POU6F1: variants seen among roughly 807,000 people sequenced by gnomAD.
POU6F1 encodes POU domain, class 6, transcription factor 1.
A neutral mutation model predicts 28.9 loss-of-function variants in POU6F1; 9 were observed. The observed-to-expected ratio is 0.31, with a 90% CI of 0.19 to 0.54. POU6F1 has a LOEUF of 0.54. POU6F1 is among the 20% of genes least tolerant of loss of function. The pLI is 0.94. For synonymous variants in POU6F1, 173 were observed against 171.1 expected, an observed-to-expected ratio of 1.01 and a Z score of -0.09; for missense variants, 338 against 426.1, an observed-to-expected ratio of 0.79 and a Z score of 1.82.
chr12:51,208,202 CTGGGAGGTGGGAAGAT>C (rs1213769308), intron 1 of POU6F1, among the ~76,000 whole-genome samples: 101 of 151,696 alleles, frequency 6.7e-4, no homozygotes, highest in East Asian at 7.7e-4. Context: ...TCGCTTGAGC[CTGGGAGGTGGGAAGAT>C]CGCTTGAGCC....
intron 8 of POU6F1, among the ~76,000 whole-genome samples, chr12:51,194,116 TC>T (rs1942640334): frequency 6.6e-6 from 1 of 151,984 alleles, no homozygotes; most frequent in Non-Finnish European, 1.5e-5. Context: ...AACCTCTGCC[TC>T]CCGGGTTCAA....
chr12:51,212,618 T>C (rs1331385829), intron 1 of POU6F1, among the ~76,000 whole-genome samples: 3 of 149,378 alleles, frequency 2.0e-5, no homozygotes, highest in Admixed American at 2.0e-4. Context: ...CCGTCTCTAC[T>C]AAAAATACAA....
chr12:51,195,535 C>G (rs1357523239), intron 8 of POU6F1, among the ~76,000 whole-genome samples: 1 of 152,122 alleles, frequency 6.6e-6, no homozygotes, highest in Non-Finnish European at 1.5e-5. Flanking sequence ...AATAAATACT[C>G]CTAGAATGAG....
At chr12:51,205,661 C>A (rs1028808947) in intron 2 of POU6F1, among the ~76,000 whole-genome samples, 1 of 152,154 alleles carries the variant, frequency 6.6e-6, no homozygotes, top group Non-Finnish European at 1.5e-5. Context: ...TGGATCCAGT[C>A]GGAGGCTGTG....
At chr12:51,216,920 A>G (rs1305373505) in intron 1 of POU6F1, among the ~76,000 whole-genome samples, 5 of 152,158 alleles carry the variant, frequency 3.3e-5, no homozygotes. Flanking sequence ...TGGAGGTTAG[A>G]GGGTATGCTG....
chr12:51,215,704 C>T (rs1944252561), intron 1 of POU6F1, among the ~76,000 whole-genome samples: 1 of 152,096 alleles, frequency 6.6e-6, no homozygotes, highest in East Asian at 1.9e-4. Context: ...GCATCCCACT[C>T]TCTCTTCTGC....
At chr12:51,204,761 G>T (rs988135508) in intron 2 of POU6F1, among the ~76,000 whole-genome samples, 1 of 152,122 alleles carries the variant, frequency 6.6e-6, no homozygotes, top group African/African-American at 2.4e-5. Flanking sequence ...GGGTATGAGG[G>T]CTCCTAACAT....
intron 2 of POU6F1, among the ~76,000 whole-genome samples, chr12:51,205,895 T>C (rs1943571245): frequency 6.7e-6 from 1 of 148,714 alleles, no homozygotes; most frequent in African/African-American, 2.5e-5. Context: ...CTCGGCTCAC[T>C]GCAAGCTCCA....
At chr12:51,202,157 G>A (rs908442903) in intron 3 of POU6F1, 1 of 152,048 alleles carries the variant, frequency 6.6e-6, no homozygotes, top group African/African-American at 2.4e-5. Flanking sequence ...CACCATGCCT[G>A]GCCACCAATA....
intron 1 of POU6F1, among the ~76,000 whole-genome samples, chr12:51,208,222 T>C (rs543925240): frequency 2.6e-5 from 4 of 151,734 alleles, no homozygotes; most frequent in Non-Finnish European, 4.4e-5. Context: ...GGAAGATCGC[T>C]TGAGCCTGGG....
In POU6F1 at chr12:51,191,582, G is replaced by A; in HGVS notation, c.1490+14C>T. The A allele has an allele frequency of 6.2e-7, 1 of 1,611,224 alleles. No homozygotes were observed. Among genetic ancestry groups the A allele is most frequent in the South Asian group, 1.1e-5 (1 of 90,974 alleles). ...TGAGCAGGCCCTAATCCTGTCTAGG[G>A]CAGCCTTACTCACCGGCAGATGGCT... On this transcript the variant is annotated intron_variant, in intron 10 of 10. Coordinates refer to ENST00000333640, the MANE Select transcript of POU6F1 (RefSeq NM_001330422.2).
At position 51,218,009 on chromosome 12, in the gene POU6F1, C is replaced by T. The variant is rs890737877; in HGVS notation, c.-415G>A. ...CCTTTTCCCTCCCCCCCTTTTTTCCCTCCTTCTGCTACTTGGATTTTTTTA... is the reference window on the plus strand; with the variant it reads ...CCTTTTCCCTCCCCCCCTTTTTTCCTTCCTTCTGCTACTTGGATTTTTTTA... On this transcript the variant is annotated 5_prime_UTR_variant, in exon 1 of 11. Coordinates refer to ENST00000333640, the MANE Select transcript of POU6F1 (RefSeq NM_001330422.2). 6.6e-6 allele frequency among the ~76,000 whole-genome samples: 1 copy of T among 151,806 alleles called. No homozygotes were observed. The highest frequency in any genetic ancestry group is 2.4e-5 in the African/African-American group (1 of 41,376).
intron 1 of POU6F1, among the ~76,000 whole-genome samples, chr12:51,208,141 T>C (rs1309646461): frequency 2.0e-5 from 3 of 146,496 alleles, no homozygotes; most frequent in Non-Finnish European, 4.5e-5. Flanking sequence ...TAGCTGGGCA[T>C]GATGGCGCAT....
chr12:51,187,078 C>T lies in POU6F1; in HGVS notation c.*3169G>A, dbSNP rs1172998473. 6.6e-6 allele frequency: 1 copy of T among 152,166 alleles called. No individual in the cohort carries two copies. The highest frequency in any genetic ancestry group is 1.5e-5 in the Non-Finnish European group (1 of 68,048). The allele number at this position is 152,166 out of a possible 1,614,324, so 9.4% of individuals were successfully genotyped here. A position where few individuals can be genotyped will look rare whatever the true frequency, so the allele number is the denominator to read the frequency against. On this transcript the variant is annotated 3_prime_UTR_variant, in exon 11 of 11. Transcript: ENST00000333640. ...GAGAACCTCAGTGCCAGAGCCTGGT[C>T]CAAGAGGCAGGAAGGAAATCTGGGC... is the stretch of plus-strand genomic sequence containing the variant.
chr12:51,213,838 C>T (rs561753401), intron 1 of POU6F1, among the ~76,000 whole-genome samples: 4 of 151,278 alleles, frequency 2.6e-5, no homozygotes, highest in South Asian at 2.1e-4. Context: ...GGCCTAATTT[C>T]GTTATCTTTA....
intron 3 of POU6F1, among the ~76,000 whole-genome samples, chr12:51,203,716 A>T (rs1943378129): frequency 6.6e-6 from 1 of 152,140 alleles, no homozygotes; most frequent in Non-Finnish European, 1.5e-5. Context: ...AATATACAGC[A>T]GAAGTCAAGG....
intron 1 of POU6F1, among the ~76,000 whole-genome samples, chr12:51,212,776 CAAAA>C (rs1176606531): frequency 2.7e-5 from 1 of 37,696 alleles, no homozygotes; most frequent in African/African-American, 1.3e-4. Context: ...AACTCCGTCT[CAAAA>C]AAAAAAAAAA....
intron 3 of POU6F1, chr12:51,202,201 T>G (rs1251037223): frequency 6.6e-6 from 1 of 152,180 alleles, no homozygotes; most frequent in African/African-American, 2.4e-5. Flanking sequence ...TTTTCTGGCT[T>G]AACAGGCAAC....
Position 51,199,875 on chromosome 12 carries a change from A to G in POU6F1, c.245-7T>C, listed in dbSNP as rs1331035764. The G allele has an allele frequency of 5.0e-6, 2 of 399,266 alleles. No individual in the cohort carries two copies. Among genetic ancestry groups the G allele is most frequent in the Non-Finnish European group, 8.8e-6 (2 of 226,244 alleles). 24.7% of individuals were successfully genotyped at this position (399,266 alleles called of 1,614,324 possible). ...ATCCCCGGGGGTGACTTCACTTCAC[A>G]AGGCATTGAGAGAAAGAAGGACAAG... On this transcript the variant is annotated splice_region_variant and splice_polypyrimidine_tract_variant and intron_variant, in intron 3 of 10. Coordinates refer to ENST00000333640, the MANE Select transcript of POU6F1 (RefSeq NM_001330422.2). This position sits in a 1 kb window ranked among gnomAD's most constrained non-coding sequence, Gnocchi z 4.1.
Sources: gnomAD v4.1 joint callset for allele counts (sites outside exome capture counted in the v4.1 genomes callset) on GRCh38, gnomAD v4.1.1 for gene constraint, Gnocchi (gnomAD v3.1) non-coding constraint, MANE v1.5 for transcripts, NCBI Gene and HGNC (gene_info 2026-07-23, HGNC 2026-07-21) for gene names.